The following PAH variants were observed in gnomAD, a reference collection of about 807,000 sequenced individuals.
The protein encoded by PAH is phenylalanine hydroxylase.
Under a neutral mutation model 62.0 loss-of-function variants are expected in PAH, and 64 were observed. The ratio of observed to expected loss-of-function variants is 1.03; its 90% CI spans 0.84 to 1.27. The LOEUF is 1.27. PAH is among the 50% of genes most tolerant of loss of function. PAH has a pLI of 0.00. For synonymous variants in PAH, 195 were observed against 196.2 expected, an observed-to-expected ratio of 0.99 and a Z score of 0.05; for missense variants, 579 against 542.8, an observed-to-expected ratio of 1.07 and a Z score of -0.66.
In PAH at chr12:102,857,049, G is replaced by A. The variant is rs377277427; in HGVS notation, c.510-1717C>T. ...TTCTCTGAGCTAAAGGAGGAAGTTCGAACCCATTGCAAAGAAGCTAAAAAC... is the reference window on the plus strand; with the variant it reads ...TTCTCTGAGCTAAAGGAGGAAGTTCAAACCCATTGCAAAGAAGCTAAAAAC... On this transcript the variant is annotated intron_variant, in intron 5 of 12. Coordinates refer to ENST00000553106, the MANE Select transcript of PAH (RefSeq NM_000277.3). 8.5e-5 allele frequency among the ~76,000 whole-genome samples: 13 copies of A among 152,262 alleles called. No homozygotes were observed. The East Asian group carries it at 1.7e-3, about 20-fold the overall frequency.
intron 1 of PAH, among the ~76,000 whole-genome samples, chr12:102,929,778 G>A (rs1254845949): frequency 6.6e-6 from 1 of 152,110 alleles, no homozygotes; most frequent in Non-Finnish European, 1.5e-5. Context: ...GAAAAATTTA[G>A]AAATTTTAAA....
At chr12:102,936,241 A>G (rs1879094707) in intron 1 of PAH, among the ~76,000 whole-genome samples, 1 of 152,160 alleles carries the variant, frequency 6.6e-6, no homozygotes, top group Non-Finnish European at 1.5e-5. Context: ...TTATAGTCAG[A>G]GAAGATACTT....
At chr12:102,871,941 AAAAAAAAAATATATATATAT>A (rs1487357493) in intron 4 of PAH, among the ~76,000 whole-genome samples, 3 of 6,540 alleles carry the variant, frequency 4.6e-4, no homozygotes, top group African/African-American at 6.0e-4. Flanking sequence ...AAAAAAAAAA[AAAAAAAAAATATATATATAT>A]ATATATATAT....
intron 2 of PAH, among the ~76,000 whole-genome samples, chr12:102,901,645 A>C (rs1408282823): frequency 6.6e-6 from 1 of 152,054 alleles, no homozygotes. Flanking sequence ...AAGCCTAGGC[A>C]TCTTTTGAGA....
intron 1 of PAH, among the ~76,000 whole-genome samples, chr12:102,916,415 C>T (rs957929614): frequency 1.3e-5 from 2 of 152,150 alleles, no homozygotes; most frequent in Non-Finnish European, 2.9e-5. Context: ...TGCAATTCTT[C>T]ACCTCAAGAA....
chr12:102,941,530 T>A (rs1879286618), intron 1 of PAH, among the ~76,000 whole-genome samples: 1 of 152,094 alleles, frequency 6.6e-6, no homozygotes, highest in South Asian at 2.1e-4. Context: ...CAAAACAGAC[T>A]TTAAACCAAC....
intron 2 of PAH, among the ~76,000 whole-genome samples, chr12:102,902,065 G>T (rs1048609435): frequency 2.0e-5 from 3 of 152,168 alleles, no homozygotes; most frequent in African/African-American, 7.2e-5. Flanking sequence ...TGTGCATGGG[G>T]GTGCTATTTT....
intron 12 of PAH, among the ~76,000 whole-genome samples, chr12:102,839,919 G>A (rs1874511405): frequency 6.6e-6 from 1 of 152,240 alleles, no homozygotes; most frequent in African/African-American, 2.4e-5. Flanking sequence ...CTGGAAGAGA[G>A]TATGAAGGGC....
chr12:102,886,205 T>C (rs1280270351), intron 3 of PAH: 1 of 152,170 alleles, frequency 6.6e-6, no homozygotes, highest in Non-Finnish European at 1.5e-5. Flanking sequence ...TGGTCAGAAG[T>C]CAGGAGTGGT....
At chr12:102,899,449 T>C (rs771349988) in intron 2 of PAH, among the ~76,000 whole-genome samples, 1 of 152,196 alleles carries the variant, frequency 6.6e-6, no homozygotes, top group Non-Finnish European at 1.5e-5. Flanking sequence ...ATTTAACTTA[T>C]GGGAAAATTC....
rs1321910312 is a variant in PAH at position 102,837,084 on chromosome 12, G to A, written c.*2091C>T. 1.3e-5 allele frequency: 2 copies of A among 152,262 alleles called. No individual in the cohort carries two copies. Among genetic ancestry groups the A allele is most frequent in the Admixed American group, 6.5e-5 (1 of 15,296 alleles). 9.4% of individuals were successfully genotyped at this position (152,262 alleles called of 1,614,324 possible). A position where few individuals can be genotyped will look rare whatever the true frequency, so the allele number is the denominator to read the frequency against. On this transcript the variant is annotated 3_prime_UTR_variant, in exon 13 of 13. Transcript: ENST00000553106. ...TCATCTGTCAGTAAAGACTGATACT[G>A]TTTCTAAAATATTGCTCATTTACTA...
chr12:102,889,505 T>G (rs1472067545), intron 3 of PAH, among the ~76,000 whole-genome samples: 1 of 151,240 alleles, frequency 6.6e-6, no homozygotes, highest in African/African-American at 2.4e-5. Context: ...GATAGACAGG[T>G]GTAGATGATA....
In PAH at chr12:102,917,097, C is replaced by T. The variant is rs1433712720; in HGVS notation, c.34G>A (p.Gly12Ser). 25 of 1,614,062 alleles carry T rather than the reference C, an allele frequency of 1.5e-5. No individual in the cohort carries two copies. Among genetic ancestry groups the T allele is most frequent in the Non-Finnish European group, 2.0e-5 (24 of 1,180,040 alleles). Reference sequence around the variant, plus strand: ...TGTCCAAAGTCAGAGAGTTTCCTGCCCAAGCCTGGGTTTTCCAGGACCGCA... The same window carrying T: ...TGTCCAAAGTCAGAGAGTTTCCTGCTCAAGCCTGGGTTTTCCAGGACCGCA... ...STAVLENPGL[G>S]RKLSDFGQET... The change falls in exon 1 of 13, where the codon GGC becomes AGC. Residue 12 changes from glycine (G) to serine (S), a missense_variant. Physicochemically the swap from Gly to Ser is moderately conservative, Grantham distance 56 (BLOSUM62 0). Transcript: ENST00000553106.
intron 5 of PAH, among the ~76,000 whole-genome samples, chr12:102,858,507 A>T (rs1157000875): frequency 1.3e-5 from 2 of 152,236 alleles, no homozygotes; most frequent in Non-Finnish European, 2.9e-5. Context: ...CTCCACTCCA[A>T]ATCAACAGAA....
chr12:102,848,116 C>T (rs1179583969), intron 8 of PAH, among the ~76,000 whole-genome samples: 1 of 152,118 alleles, frequency 6.6e-6, no homozygotes, highest in Non-Finnish European at 1.5e-5. Flanking sequence ...TGTTACCAAG[C>T]ACTCCTTCTG....
In PAH at chr12:102,837,198, G is replaced by T. The variant is rs1874399975; in HGVS notation, c.*1977C>A. Reference sequence around the variant, plus strand: ...GGCTTTTATATCTGGATAAAAAAGAGCTAAGAACTGAGTAGCACATTACCA... The same window carrying T: ...GGCTTTTATATCTGGATAAAAAAGATCTAAGAACTGAGTAGCACATTACCA... On this transcript the variant is annotated 3_prime_UTR_variant, in exon 13 of 13. Coordinates refer to ENST00000553106, the MANE Select transcript of PAH (RefSeq NM_000277.3). 1 of 152,164 alleles carries T rather than the reference G, an allele frequency of 6.6e-6. No individual in the cohort carries two copies. Among genetic ancestry groups the T allele is most frequent in the Non-Finnish European group, 1.5e-5 (1 of 68,004 alleles). The allele number at this position is 152,164 out of a possible 1,614,324, so 9.4% of individuals were successfully genotyped here. A position where few individuals can be genotyped will look rare whatever the true frequency, so the allele number is the denominator to read the frequency against.
chr12:102,958,082 A>C, intron 1 of PAH: 2 of 477,022 alleles, frequency 4.2e-6, no homozygotes, highest in Non-Finnish European at 6.8e-6. Flanking sequence ...TCTCCCGGGG[A>C]TTTTGTATAT....
At chr12:102,899,556 C>G (rs1198299337) in intron 2 of PAH, among the ~76,000 whole-genome samples, 1 of 152,042 alleles carries the variant, frequency 6.6e-6, no homozygotes, top group Non-Finnish European at 1.5e-5. Flanking sequence ...GAAGATTAGG[C>G]AATCATTAAA....
At chr12:102,883,388 G>A (rs116712836) in intron 3 of PAH, among the ~76,000 whole-genome samples, 2 of 152,156 alleles carry the variant, frequency 1.3e-5, no homozygotes, top group African/African-American at 4.8e-5. Context: ...GGCGCTCAGC[G>A]AACGCCAGAG....
Sources: gnomAD v4.1 joint callset for allele counts (sites outside exome capture counted in the v4.1 genomes callset) on GRCh38, gnomAD v4.1.1 for gene constraint, MANE v1.5 for transcripts, NCBI Gene and HGNC (gene_info 2026-07-23, HGNC 2026-07-21) for gene names.